Variants in PLCL2 observed in about 807,000 individuals in gnomAD.
The protein encoded by PLCL2 is phospholipase C like 2, also known as inactive phospholipase C-like protein 2.
In PLCL2, 4 loss-of-function variants were observed where a neutral mutation model predicts 79.6. That is an observed-to-expected ratio of 0.05 (90% CI 0.02 to 0.11). The LOEUF (loss-of-function observed/expected upper bound fraction) is 0.11. Ranked by LOEUF, PLCL2 falls within the 10% of genes least tolerant of loss-of-function variation. The pLI is 1.00. For synonymous variants in PLCL2, 484 were observed against 457.7 expected, an observed-to-expected ratio of 1.06 and a Z score of -0.73; for missense variants, 895 against 1,291.0, an observed-to-expected ratio of 0.69 and a Z score of 4.70.
intron 3 of PLCL2, among the ~76,000 whole-genome samples, chr3:17,036,719 G>A (rs2064660190): frequency 6.6e-6 from 1 of 152,188 alleles, no homozygotes; most frequent in South Asian, 2.1e-4. Context: ...AGCTTTAAGA[G>A]GCTGTTTTAG....
intron 1 of PLCL2, among the ~76,000 whole-genome samples, chr3:16,958,389 T>A (rs1448396743): frequency 6.6e-6 from 1 of 152,248 alleles, no homozygotes; most frequent in South Asian, 2.1e-4. Context: ...CTCATTTTAT[T>A]TCTGGTATCT....
intron 1 of PLCL2, among the ~76,000 whole-genome samples, chr3:16,897,126 C>T (rs942028668): frequency 2.4e-4 from 37 of 152,004 alleles, no homozygotes; most frequent in African/African-American, 7.7e-4. Flanking sequence ...TAACTTGCCG[C>T]GGTGGAGTTT....
At chr3:17,089,177 G>T (rs568076632) in intron 5 of PLCL2, among the ~76,000 whole-genome samples, 2 of 152,260 alleles carry the variant, frequency 1.3e-5, no homozygotes, top group African/African-American at 4.8e-5. Flanking sequence ...GGTTGCCACG[G>T]TGGTTACGTG....
At chr3:17,039,918 G>A (rs2064702125) in intron 3 of PLCL2, among the ~76,000 whole-genome samples, 1 of 152,152 alleles carries the variant, frequency 6.6e-6, no homozygotes, top group African/African-American at 2.4e-5. Flanking sequence ...AGCCACAAGT[G>A]GATCCTTCTG....
At chr3:16,996,710 A>G (rs1028743387) in intron 1 of PLCL2, among the ~76,000 whole-genome samples, 1 of 152,206 alleles carries the variant, frequency 6.6e-6, no homozygotes. Context: ...CAAAAAAAAA[A>G]AAGTTTTGTT....
chr3:17,069,430 G>T (rs1016781672), intron 5 of PLCL2, among the ~76,000 whole-genome samples: 16 of 152,128 alleles, frequency 1.1e-4, no homozygotes, highest in African/African-American at 3.9e-4. Flanking sequence ...AGGCATTTGT[G>T]CTTCTCTTTG....
Position 17,010,830 on chromosome 3 carries a change from T to C in PLCL2, c.1484T>C (p.Val495Ala). The change falls in exon 2 of 6, where the codon GTT becomes GCT. Residue 495 changes from valine (V) to alanine (A), a missense_variant. Transcript: ENST00000615277. This position sits in a 1 kb window ranked among gnomAD's most constrained non-coding sequence, Gnocchi z 5.8. ...GGCCACACCATGACCTCTCAGATAGTTTTCCGCAGTGTCATTGATATTATT... is the reference window on the plus strand; with the variant it reads ...GGCCACACCATGACCTCTCAGATAGCTTTCCGCAGTGTCATTGATATTATT... ...YTGHTMTSQIVFRSVIDIINK... is the reference protein window; with the variant it reads ...YTGHTMTSQIAFRSVIDIINK... The C allele has an allele frequency of 6.2e-7, 1 of 1,614,118 alleles. No individual in the cohort carries two copies. Among genetic ancestry groups the C allele is most frequent in the Non-Finnish European group, 8.5e-7 (1 of 1,180,010 alleles).
intron 1 of PLCL2, among the ~76,000 whole-genome samples, chr3:16,993,536 G>C (rs1260558947): frequency 2.6e-5 from 4 of 152,136 alleles, no homozygotes; most frequent in Non-Finnish European, 5.9e-5. Flanking sequence ...TGTTAGAATT[G>C]GTAATTGGTA....
At chr3:16,994,508 A>G (rs182062680) in intron 1 of PLCL2, among the ~76,000 whole-genome samples, 62 of 152,268 alleles carry the variant, frequency 4.1e-4, no homozygotes, top group Non-Finnish European at 2.9e-5. Context: ...TCATTTGCAT[A>G]TAACACCTCT....
intron 5 of PLCL2, among the ~76,000 whole-genome samples, chr3:17,085,842 C>A (rs2065214391): frequency 6.6e-6 from 1 of 152,124 alleles, no homozygotes; most frequent in African/African-American, 2.4e-5. Context: ...ATAAAATATT[C>A]AGGTATAAAT....
At chr3:16,914,907 T>G (rs978247703) in intron 1 of PLCL2, among the ~76,000 whole-genome samples, 1 of 152,046 alleles carries the variant, frequency 6.6e-6, no homozygotes, top group African/African-American at 2.4e-5. Context: ...ATTTTTAAAT[T>G]TTTCTGTAGA....
chr3:16,945,264 A>C (rs555476360), intron 1 of PLCL2, among the ~76,000 whole-genome samples: 3 of 145,430 alleles, frequency 2.1e-5, no homozygotes, highest in Admixed American at 2.0e-4. Context: ...ACACACACAT[A>C]CACACACATG....
chr3:16,994,781 T>C (rs2064137029), intron 1 of PLCL2, among the ~76,000 whole-genome samples: 1 of 152,192 alleles, frequency 6.6e-6, no homozygotes, highest in Non-Finnish European at 1.5e-5. Context: ...TACCACCGTG[T>C]TCCCTTTGTG....
intron 1 of PLCL2, among the ~76,000 whole-genome samples, chr3:16,917,008 G>C (rs1372884626): frequency 2.0e-5 from 3 of 152,250 alleles, no homozygotes; most frequent in Non-Finnish European, 4.4e-5. Flanking sequence ...TCCTCAGTAG[G>C]TTGCCTGGCA....
rs3924134 is a variant in PLCL2, at chr3:16,994,991, C to T, written c.328-14683C>T. ...AGAGTGTCCAAAGGTGTGTGGTGAGCACAGGCCAGTGCCTGCAGGGCTCCC... is the reference window on the plus strand; with the variant it reads ...AGAGTGTCCAAAGGTGTGTGGTGAGTACAGGCCAGTGCCTGCAGGGCTCCC... On this transcript the variant is annotated intron_variant, in intron 1 of 5. Coordinates refer to ENST00000615277, the MANE Select transcript of PLCL2 (RefSeq NM_001144382.2). Among the ~76,000 whole-genome samples the T allele has an allele frequency of 9.9e-4, 151 of 152,358 alleles. 3 individuals are homozygous for T. The South Asian group carries it at 0.03, about 30-fold the overall frequency.
intron 1 of PLCL2, among the ~76,000 whole-genome samples, chr3:16,978,981 G>C (rs2063953328): frequency 6.6e-6 from 1 of 152,160 alleles, no homozygotes; most frequent in African/African-American, 2.4e-5. Flanking sequence ...GTAATTCTAA[G>C]GAATGATGCC....
chr3:16,982,737 T>G (rs1348155071), intron 1 of PLCL2, among the ~76,000 whole-genome samples: 2 of 152,242 alleles, frequency 1.3e-5, no homozygotes, highest in African/African-American at 4.8e-5. Context: ...TTTCTTCTCT[T>G]TCCTTTACTG....
intron 3 of PLCL2, among the ~76,000 whole-genome samples, chr3:17,023,801 A>G (rs6803135): frequency 0.18 from 27,684 of 152,104 alleles, 3,075 homozygotes; most frequent in East Asian, 0.54. Context: ...AAAACTGACA[A>G]ATGTCTCTGT....
intron 1 of PLCL2, among the ~76,000 whole-genome samples, chr3:16,960,408 C>T (rs966046487): frequency 6.6e-6 from 1 of 152,206 alleles, no homozygotes; most frequent in African/African-American, 2.4e-5. Context: ...TTTCTAAACA[C>T]TATAGGAAGC....
Sources: allele counts gnomAD v4.1 joint callset (sites outside exome capture counted in the v4.1 genomes callset), GRCh38; gene constraint gnomAD v4.1.1; non-coding constraint Gnocchi (gnomAD v3.1); transcripts MANE v1.5; gene names NCBI Gene and HGNC (gene_info 2026-07-23, HGNC 2026-07-21).